The following VWCE variants were observed in gnomAD, a reference collection of about 807,000 sequenced individuals.
The protein encoded by VWCE is von Willebrand factor C and EGF domain-containing protein.
VWCE carries 68 observed loss-of-function variants against 102.9 expected under a neutral mutation model. The observed-to-expected ratio is 0.66, with a 90% confidence interval of 0.54 to 0.81. VWCE has a LOEUF of 0.81. Ranked by LOEUF, VWCE falls within the 30% of genes least tolerant of loss-of-function variation. The pLI, the probability that VWCE is intolerant of heterozygous loss-of-function variation, is 0.00. For synonymous variants in VWCE, 497 were observed against 515.4 expected (o/e 0.96, Z 0.48); for missense variants, 1,137 against 1,263.6 (o/e 0.90, Z 1.52).
At chr11:61,280,546 A>T (rs1015800386) in intron 9 of VWCE, 78 bp downstream of exon 9, 2 of 1,447,868 alleles carry the variant, frequency 1.4e-6, no homozygotes, top group African/African-American at 2.8e-5. Context: ...CTAATGTTAA[A>T]GAACAGCCTT....
chr11:61,283,852 T>C (rs1396188788), intron 5 of VWCE, among the ~76,000 whole-genome samples: 1 of 152,220 alleles, frequency 6.6e-6, no homozygotes, highest in Admixed American at 6.5e-5. Flanking sequence ...TGGAACCTCC[T>C]CTGTAAAAGT....
In VWCE at chr11:61,258,811, G is replaced by T. The variant is rs376585418; in HGVS notation, c.2732C>A (p.Thr911Asn). The change falls in exon 20 of 20, where the codon ACC becomes AAC. Residue 911 changes from threonine to asparagine, a missense_variant. Physicochemically the swap from Thr to Asn is moderately conservative, Grantham distance 65 (BLOSUM62 0). This residue lies in a region of VWCE where 316 missense variants were observed against 319.3 expected (regional missense o/e 0.99). Transcript: ENST00000335613. ...GCGAGGCCCGAGGAGGGTGATGGGGGTCTTCGAGGGGCTGGGGTCCATCAT... is the reference window on the plus strand; with the variant it reads ...GCGAGGCCCGAGGAGGGTGATGGGGTTCTTCGAGGGGCTGGGGTCCATCAT... ...LSMMDPSPSK[T>N]PITLLGPRVL... 1 of 1,505,734 alleles carries T rather than the reference G, an allele frequency of 6.6e-7. No individual in the cohort carries two copies. 93.3% of individuals were successfully genotyped at this position (1,505,734 alleles called of 1,614,324 possible).
chr11:61,285,506 G>A (rs1035295839), intron 5 of VWCE, among the ~76,000 whole-genome samples: 1 of 152,018 alleles, frequency 6.6e-6, no homozygotes, highest in Non-Finnish European at 1.5e-5. Context: ...AGACTTGGGG[G>A]ATCCTACTCC....
Position 61,272,585 on chromosome 11 carries a change from AAC to A in VWCE, c.1699+612_1699+613del, listed in dbSNP as rs765156806. Among the ~76,000 whole-genome samples, 89 of 151,738 alleles carry A rather than the reference AAC, an allele frequency of 5.9e-4. 1 individual carries two copies. The highest frequency in any genetic ancestry group is 1.9e-4 in the East Asian group (1 of 5,194). ...ACAGAAAACTATTCAGAAACACAGAAACACACACACACAGGCACATACTAAGA... is the reference window on the plus strand; with the variant it reads ...ACAGAAAACTATTCAGAAACACAGAAACACACACACAGGCACATACTAAGA... On this transcript the variant is annotated intron_variant, in intron 13 of 19. Transcript: ENST00000335613.
chr11:61,277,126 G>C (rs964000268), intron 10 of VWCE, among the ~76,000 whole-genome samples: 47 of 137,232 alleles, frequency 3.4e-4, no homozygotes, highest in Non-Finnish European at 5.6e-4. Context: ...AAGAAAGAGA[G>C]AGAAAGAGAA....
At chr11:61,264,663 A>G (rs1348536999) in intron 18 of VWCE, 86 bp from the exon 19 acceptor site, 11 of 1,381,264 alleles carry the variant, frequency 8.0e-6, no homozygotes, top group Middle Eastern at 3.8e-4. Context: ...TTGCACCAGC[A>G]GCAGGACCCA....
In VWCE at chr11:61,261,337, T is replaced by C. The variant is rs529643938; in HGVS notation, c.2231-2025A>G. Among the ~76,000 whole-genome samples, 3 of 152,314 alleles carry C rather than the reference T, an allele frequency of 2.0e-5. No homozygotes were observed. In the South Asian group the frequency reaches 6.2e-4, roughly 32 times the overall value. ...AAAATCAACTATTCATATTAATAGA[T>C]GGTTGCGTAACTCTAAAAATATGCT... On this transcript the variant is annotated intron_variant, in intron 19 of 19. Transcript: ENST00000335613.
Position 61,264,980 on chromosome 11 carries a change from T to C in VWCE, c.2115A>G (p.Glu705=). 1.2e-6 allele frequency: 2 copies of C among 1,613,944 alleles called. No individual in the cohort carries two copies. Among genetic ancestry groups the C allele is most frequent in the South Asian group, 1.1e-5 (1 of 91,070 alleles). Residue 705 remains glutamate, a synonymous_variant, in exon 18 of 20, where the codon GAA becomes GAG. Transcript: ENST00000335613. ...ANGQVFTLDD[E]PCTRCTCQLG... ...CCTGGCACGTGCACCGGGTGCAGGG[T>C]TCATCATCCAAGGTGAACACCTGGC...
chr11:61,264,628 C>T, intron 18 of VWCE, 51 bp from the exon 19 acceptor site: 1 of 1,547,188 alleles, frequency 6.5e-7, no homozygotes. Flanking sequence ...TCTTGCCTGC[C>T]CTGGGCAGTG....
chr11:61,265,160 G>C lies in VWCE; in HGVS notation c.2018C>G (p.Pro673Arg). ...GCAGCACTCCCCGTCAGGGTGGAAA[G>C]GGTAGGTACAGGTGATGGGGCAGTC... ...PVDCPITCTY[P>R]FHPDGECCPV... The change falls in exon 17 of 20, where the codon CCT (proline) becomes CGT (arginine). Residue 673 changes from proline to arginine, a missense_variant. Physicochemically the swap from Pro to Arg is moderately radical, Grantham distance 103. Transcript: ENST00000335613. 6.4e-7 allele frequency: 1 copy of C among 1,563,936 alleles called. No homozygotes were observed. Among genetic ancestry groups the C allele is most frequent in the Non-Finnish European group, 8.7e-7 (1 of 1,154,592 alleles).
At chr11:61,287,428 G>T (rs982687084) in intron 4 of VWCE, among the ~76,000 whole-genome samples, 1 of 152,234 alleles carries the variant, frequency 6.6e-6, no homozygotes, top group Non-Finnish European at 1.5e-5. Context: ...AACGGGCAGA[G>T]GGCAGTGGAC....
intron 16 of VWCE, among the ~76,000 whole-genome samples, chr11:61,266,978 C>T (rs1014359120): frequency 1.3e-5 from 2 of 152,200 alleles, no homozygotes; most frequent in Non-Finnish European, 2.9e-5. Flanking sequence ...TTTCTCTGGG[C>T]TGGGCATAGT....
rs1205495058 is a variant in VWCE, at chr11:61,291,479, TACGCAGGGTGCAGTGCCCACC to T, written c.187_205+2del. ...GACTTGGGGCACAGGGACAAGCACTTACGCAGGGTGCAGTGCCCACCACCCATAGAGGGCGCCCAGCCAGGG... is the reference window on the plus strand; with the variant it reads ...GACTTGGGGCACAGGGACAAGCACTTACCCATAGAGGGCGCCCAGCCAGGG... On this transcript the variant is annotated splice_donor_variant and coding_sequence_variant, in exon 2 of 20. Coordinates refer to ENST00000335613, the MANE Select transcript of VWCE (RefSeq NM_152718.2). LOFTEE classifies it high-confidence loss of function. 2 of 1,556,144 alleles carry T rather than the reference TACGCAGGGTGCAGTGCCCACC, an allele frequency of 1.3e-6. No individual in the cohort carries two copies. Among genetic ancestry groups the T allele is most frequent in the South Asian group, 2.4e-5 (2 of 84,392 alleles).
In VWCE at chr11:61,264,815, T is replaced by A. The variant is rs558710750; in HGVS notation, c.2139+141A>T. ...GGGAGGAGATGGTCAAAACCAAAGATATTCTGGCAGTTAATTAAAGGCGGA... is the reference window on the plus strand; with the variant it reads ...GGGAGGAGATGGTCAAAACCAAAGAAATTCTGGCAGTTAATTAAAGGCGGA... On this transcript the variant is annotated intron_variant, in intron 18 of 19. Coordinates refer to ENST00000335613, the MANE Select transcript of VWCE (RefSeq NM_152718.2). 186 of 1,011,966 alleles carry A rather than the reference T, an allele frequency of 1.8e-4. 3 individuals carry two copies. In the South Asian group the frequency reaches 2.7e-3, roughly 15 times the overall value. The allele number at this position is 1,011,966 out of a possible 1,614,324, so 62.7% of individuals were successfully genotyped here.
chr11:61,260,428 C>T (rs1234838758), intron 19 of VWCE, among the ~76,000 whole-genome samples: 1 of 152,010 alleles, frequency 6.6e-6, no homozygotes, highest in Non-Finnish European at 1.5e-5. Flanking sequence ...CACATGCTAC[C>T]ACACCTGGCA....
chr11:61,283,544 T>C (rs531806178), intron 5 of VWCE, among the ~76,000 whole-genome samples: 22 of 152,330 alleles, frequency 1.4e-4, no homozygotes, highest in African/African-American at 5.1e-4. Context: ...CCCAAGTAGT[T>C]GGGATTACAG....
At chr11:61,279,531 C>T (rs1425296554) in intron 9 of VWCE, among the ~76,000 whole-genome samples, 1 of 151,772 alleles carries the variant, frequency 6.6e-6, no homozygotes, top group Admixed American at 6.6e-5. Flanking sequence ...CACTGCACTC[C>T]AGCCTGGGTG....
chr11:61,292,987 A>C (rs560999795), intron 1 of VWCE, among the ~76,000 whole-genome samples: 87 of 151,920 alleles, frequency 5.7e-4, no homozygotes, highest in African/African-American at 2.1e-3. Flanking sequence ...CACGCTTGTA[A>C]TCCCAGCACT....
chr11:61,286,209 G>T, intron 5 of VWCE, 105 bp downstream of exon 5: 1 of 1,097,512 alleles, frequency 9.1e-7, no homozygotes, highest in Non-Finnish European at 1.4e-6. Flanking sequence ...AAGGTTCAAT[G>T]CAGTGGCACA....
Sources: gnomAD v4.1 joint callset for allele counts (sites outside exome capture counted in the v4.1 genomes callset) on GRCh38, gnomAD v4.1.1 for gene constraint, gnomAD v4.1.1 regional missense constraint, MANE v1.5 for transcripts, NCBI Gene and HGNC (gene_info 2026-07-23, HGNC 2026-07-21) for gene names.